Variants in EXOC4 observed in about 807,000 individuals in gnomAD.
EXOC4 encodes the protein exocyst complex component 4.
In EXOC4, 71 loss-of-function variants were observed where a neutral mutation model predicts 107.2. The observed-to-expected ratio is 0.66, with a 90% confidence interval of 0.55 to 0.81. The LOEUF (loss-of-function observed/expected upper bound fraction) is 0.81, where lower values mean the gene tolerates loss of function less well. EXOC4 is among the 30% of genes least tolerant of loss of function. The pLI, the probability that EXOC4 is intolerant of heterozygous loss-of-function variation, is 0.00. For synonymous variants in EXOC4, 456 were observed against 441.2 expected (o/e 1.03, Z -0.42); for missense variants, 1,108 against 1,189.6 (o/e 0.93, Z 1.01).
intron 9 of EXOC4, among the ~76,000 whole-genome samples, chr7:133,590,938 C>T (rs1801527035): frequency 6.6e-6 from 1 of 152,206 alleles, no homozygotes; most frequent in Non-Finnish European, 1.5e-5. Context: ...CATCACAGAT[C>T]ATGGGCAGGG....
intron 7 of EXOC4, among the ~76,000 whole-genome samples, chr7:133,412,493 T>C (rs990658201): frequency 3.9e-5 from 6 of 152,006 alleles, no homozygotes; most frequent in Non-Finnish European, 4.4e-5. Flanking sequence ...TCAGCATTTG[T>C]CTAATGGTAG....
chr7:134,089,651 C>A, the EXOC4 span, among the ~76,000 whole-genome samples: 5,317 of 151,438 alleles, frequency 0.035, 300 homozygotes, highest in African/African-American at 0.12. Context: ...GCATAAATTC[C>A]CTGCTATGGG....
At chr7:133,604,702 C>CTTTTTTTTTT in intron 9 of EXOC4, among the ~76,000 whole-genome samples, 1 of 113,124 alleles carries the variant, frequency 8.8e-6, no homozygotes, top group Non-Finnish European at 1.9e-5. Context: ...TTCCTTCCTT[C>CTTTTTTTTTT]CTTCTTTCTT....
At chr7:133,267,657 C>T (rs548973172) in intron 1 of EXOC4, among the ~76,000 whole-genome samples, 1 of 152,282 alleles carries the variant, frequency 6.6e-6, no homozygotes, top group Admixed American at 6.5e-5. Flanking sequence ...TGTTATGTAT[C>T]TCTAGGCCCT....
At chr7:133,393,679 A>G (rs1276053749) in intron 7 of EXOC4, among the ~76,000 whole-genome samples, 1 of 152,212 alleles carries the variant, frequency 6.6e-6, no homozygotes, top group Non-Finnish European at 1.5e-5. Flanking sequence ...GTGGGGTTAC[A>G]GCAAGAATAT....
In EXOC4 at chr7:133,505,027, A is replaced by G. The variant is rs1403256601; in HGVS notation, c.1417+24889A>G. Among the ~76,000 whole-genome samples, 5 of 152,114 alleles carry G rather than the reference A, an allele frequency of 3.3e-5. No individual in the cohort carries two copies. The East Asian group carries it at 7.7e-4, about 23-fold the overall frequency. ...GAGATTGAAATGTTGTGAGTCATCTATGAGATAGATGGAAACACTGGAGTT... is the reference window on the plus strand; with the variant it reads ...GAGATTGAAATGTTGTGAGTCATCTGTGAGATAGATGGAAACACTGGAGTT... On this transcript the variant is annotated intron_variant, in intron 9 of 17. Transcript: ENST00000253861.
At chr7:133,447,637 A>G (rs1798249137) in intron 7 of EXOC4, among the ~76,000 whole-genome samples, 1 of 152,054 alleles carries the variant, frequency 6.6e-6, no homozygotes, top group South Asian at 2.1e-4. Flanking sequence ...AAATGTAGAT[A>G]TGTATATTAT....
chr7:133,600,260 A>G (rs1387053749), intron 9 of EXOC4, among the ~76,000 whole-genome samples: 1 of 152,008 alleles, frequency 6.6e-6, no homozygotes, highest in African/African-American at 2.4e-5. Flanking sequence ...ATTTTCAACC[A>G]CCAACCATCT....
intron 7 of EXOC4, among the ~76,000 whole-genome samples, chr7:133,429,264 C>G (rs140897182): frequency 3.6e-4 from 55 of 152,060 alleles, no homozygotes; most frequent in African/African-American, 1.3e-3. Flanking sequence ...AATAAGGAAC[C>G]AAGTATAAGA....
intron 9 of EXOC4, among the ~76,000 whole-genome samples, chr7:133,499,825 A>G (rs1282219088): frequency 6.6e-6 from 1 of 152,126 alleles, no homozygotes; most frequent in Non-Finnish European, 1.5e-5. Context: ...CCATAATTAT[A>G]CATTTCCTGG....
chr7:134,022,709 C>T (rs1407350617), intron 17 of EXOC4, among the ~76,000 whole-genome samples: 4 of 152,196 alleles, frequency 2.6e-5, no homozygotes, highest in African/African-American at 7.2e-5. Context: ...TTCCTTTTGG[C>T]AGCTGTTTTA....
rs78417579 is a variant in EXOC4 at position 133,571,989 on chromosome 7, G to T, written c.1418-58056G>T. Among the ~76,000 whole-genome samples the T allele has an allele frequency of 4.8e-3, 728 of 152,318 alleles. 3 individuals are homozygous for T. The highest frequency in any genetic ancestry group is 0.017 in the Middle Eastern group (5 of 294). ...ACCGGAATTTTAAAAGGGATACTTT[G>T]AAACCATAGCAGAAGGTTAATGAAA... On this transcript the variant is annotated intron_variant, in intron 9 of 17. Coordinates refer to ENST00000253861, the MANE Select transcript of EXOC4 (RefSeq NM_021807.4).
At chr7:133,657,185 G>T (rs1024201195) in intron 10 of EXOC4, among the ~76,000 whole-genome samples, 3 of 152,170 alleles carry the variant, frequency 2.0e-5, no homozygotes, top group Admixed American at 6.6e-5. Flanking sequence ...TTCAGCAAAT[G>T]AGAAGCATGG....
Position 133,854,742 on chromosome 7 carries a change from C to A in EXOC4, c.1734+37198C>A, listed in dbSNP as rs1585199993. Among the ~76,000 whole-genome samples the A allele has an allele frequency of 2.0e-5, 3 of 150,794 alleles. No individual in the cohort carries two copies. The South Asian group carries it at 6.3e-4, about 32-fold the overall frequency. Reference sequence around the variant, plus strand: ...ACTCCAGCCCTACCTTCAAATAGTCCCTCTTAGCCATTTCATCTGCTTGGG... The same window carrying A: ...ACTCCAGCCCTACCTTCAAATAGTCACTCTTAGCCATTTCATCTGCTTGGG... On this transcript the variant is annotated intron_variant, in intron 11 of 17. Coordinates refer to ENST00000253861, the MANE Select transcript of EXOC4 (RefSeq NM_021807.4).
chr7:133,790,600 A>G (rs956033812), intron 10 of EXOC4, among the ~76,000 whole-genome samples: 8 of 152,254 alleles, frequency 5.3e-5, no homozygotes, highest in Non-Finnish European at 1.0e-4. Flanking sequence ...ATTTCATTTG[A>G]AATAATTAGG....
intron 10 of EXOC4, among the ~76,000 whole-genome samples, chr7:133,702,294 C>T (rs371737575): frequency 1.3e-5 from 2 of 151,422 alleles, no homozygotes. Flanking sequence ...GAACCACAGC[C>T]AGCTTTGTCG....
chr7:134,007,731 C>T lies in EXOC4; in HGVS notation c.2583C>T (p.Arg861=), dbSNP rs1294729012. The T allele has an allele frequency of 6.2e-7, 1 of 1,613,586 alleles. No homozygotes were observed. The highest frequency in any genetic ancestry group is 1.7e-5 in the Admixed American group (1 of 59,944). Residue 861 remains arginine (R), a synonymous_variant, in exon 17 of 18, where the codon CGC becomes CGT. Transcript: ENST00000253861. The stretch of plus-strand genomic sequence containing the variant: ...TTAATGGTGCCCAGTACTTCAGGCG[C>T]ATCAGTGAGTCTGGCATCAAGAAAA... The part of the protein sequence containing the change: ...ILINGAQYFR[R]ISESGIKKMC...
chr7:133,760,362 T>C (rs1019264447), intron 10 of EXOC4, among the ~76,000 whole-genome samples: 1 of 152,168 alleles, frequency 6.6e-6, no homozygotes, highest in African/African-American at 2.4e-5. Context: ...TCATAGGATG[T>C]GATATGGAAG....
At chr7:133,567,668 C>A (rs757133173) in intron 9 of EXOC4, among the ~76,000 whole-genome samples, 19 of 152,136 alleles carry the variant, frequency 1.2e-4, no homozygotes, top group Non-Finnish European at 2.2e-4. Context: ...AGAACAAAAG[C>A]ATATTTGGCT....
Sources: allele counts gnomAD v4.1 joint callset (sites outside exome capture counted in the v4.1 genomes callset), GRCh38; gene constraint gnomAD v4.1.1; transcripts MANE v1.5; gene names NCBI Gene and HGNC (gene_info 2026-07-23, HGNC 2026-07-21).